The following GPR141 variants were observed in gnomAD, a reference collection of about 807,000 sequenced individuals.
The protein encoded by GPR141 is probable G protein-coupled receptor 141.
In GPR141, 6 loss-of-function variants were observed where a neutral mutation model predicts 6.8. The ratio of observed to expected loss-of-function variants is 0.88; its 90% CI spans 0.48 to 1.74. The LOEUF is 1.74. Ranked by LOEUF, GPR141 falls within the 40% of genes most tolerant of loss-of-function variation. GPR141 has a pLI of 0.01. For missense variants in GPR141, 372 were observed against 372.9 expected, an observed-to-expected ratio of 1.00 and a Z score of 0.02; for synonymous variants, 140 against 142.3, an observed-to-expected ratio of 0.98 and a Z score of 0.11.
chr7:37,740,921 A>G lies in GPR141; in HGVS notation c.528A>G (p.Thr176=). ...CFKFHKELAY[T]YVKIINYMIV... ...AATTTCACAAAGAGCTTGCTTACAC[A>G]TATGTGAAAATCATCAACTATATGA... The change falls in exon 3 of 3, where the codon ACA becomes ACG. Residue 176 remains threonine (T), a synonymous_variant. Transcript: ENST00000334425. 2.5e-6 allele frequency: 4 copies of G among 1,614,118 alleles called. No homozygotes were observed. Among genetic ancestry groups the G allele is most frequent in the Non-Finnish European group, 3.4e-6 (4 of 1,179,968 alleles).
chr7:37,714,657 T>A (rs1040212991), intron 2 of GPR141, among the ~76,000 whole-genome samples: 4 of 152,182 alleles, frequency 2.6e-5, no homozygotes. Flanking sequence ...AGAAAGCCAA[T>A]TGAAATTTCT....
At chr7:37,728,523 A>G (rs1206473797) in intron 2 of GPR141, among the ~76,000 whole-genome samples, 2 of 152,106 alleles carry the variant, frequency 1.3e-5, no homozygotes, top group Non-Finnish European at 2.9e-5. Flanking sequence ...CTCATTTTGT[A>G]GGCTGGTCTC....
chr7:37,703,067 G>A (rs913849037), intron 2 of GPR141, among the ~76,000 whole-genome samples: 4 of 151,884 alleles, frequency 2.6e-5, no homozygotes, highest in Non-Finnish European at 5.9e-5. Flanking sequence ...AGGGTAAACC[G>A]GTAGTATTAT....
chr7:37,697,986 G>T (rs1318452265), intron 2 of GPR141, among the ~76,000 whole-genome samples: 1 of 152,198 alleles, frequency 6.6e-6, no homozygotes, highest in African/African-American at 2.4e-5. Flanking sequence ...GAGACACCCT[G>T]TGCATCCTGG....
Position 37,741,390 on chromosome 7 carries a change from C to A in GPR141, c.*79C>A. The stretch of plus-strand genomic sequence containing the variant: ...TATAGGGGAGGTAAGAATGGTATTT[C>A]ATTACTTGATCAAAACCATGCCTTG... On this transcript the variant is annotated 3_prime_UTR_variant, in exon 3 of 3. Coordinates refer to ENST00000334425, the MANE Select transcript of GPR141 (RefSeq NM_001381946.1). The A allele has an allele frequency of 9.3e-7, 1 of 1,073,110 alleles. No individual in the cohort carries two copies. Among genetic ancestry groups the A allele is most frequent in the Non-Finnish European group, 1.3e-6 (1 of 741,912 alleles). The allele number at this position is 1,073,110 out of a possible 1,614,324, so 66.5% of individuals were successfully genotyped here. A position where few individuals can be genotyped will look rare whatever the true frequency, so the allele number is the denominator to read the frequency against.
chr7:37,690,337 C>T (rs1809700261), intron 2 of GPR141, among the ~76,000 whole-genome samples: 2 of 152,118 alleles, frequency 1.3e-5, no homozygotes, highest in African/African-American at 4.8e-5. Flanking sequence ...GTCGTGGGAG[C>T]AGATCCCTCA....
At chr7:37,703,695 T>C (rs1810398035) in intron 2 of GPR141, among the ~76,000 whole-genome samples, 1 of 152,228 alleles carries the variant, frequency 6.6e-6, no homozygotes, top group Non-Finnish European at 1.5e-5. Flanking sequence ...GGAGCAATAG[T>C]ATCTACTTCA....
At chr7:37,720,389 C>G (rs984841448) in intron 2 of GPR141, among the ~76,000 whole-genome samples, 1 of 152,186 alleles carries the variant, frequency 6.6e-6, no homozygotes, top group South Asian at 2.1e-4. Context: ...ATAATAATCT[C>G]TGAGTGTAGT....
rs1812550882 is a variant in GPR141, at chr7:37,741,274, A to G, written c.881A>G (p.Lys294Arg). 6.2e-7 allele frequency: 1 copy of G among 1,602,962 alleles called. No individual in the cohort carries two copies. The highest frequency in any genetic ancestry group is 2.2e-5 in the East Asian group (1 of 44,632). The change falls in exon 3 of 3, where the codon AAG (lysine) becomes AGG (arginine). Residue 294 changes from lysine (K) to arginine (R), a missense_variant. Transcript: ENST00000334425. ...VFGGSHWFKQ[K>R]IIGLWNCVLC... ...GGGGGAAGCCATTGGTTTAAGCAAA[A>G]GATAATTGGCTTATGGAATTGTGTT...
At chr7:37,724,581 C>T (rs927592771) in intron 2 of GPR141, among the ~76,000 whole-genome samples, 3 of 152,110 alleles carry the variant, frequency 2.0e-5, no homozygotes, top group South Asian at 2.1e-4. Context: ...TGGGAGCTGC[C>T]ATCCCAGAAT....
intron 2 of GPR141, among the ~76,000 whole-genome samples, chr7:37,704,550 A>G (rs1192456977): frequency 1.3e-5 from 2 of 152,124 alleles, no homozygotes; most frequent in East Asian, 1.9e-4. Flanking sequence ...CCATGATTCA[A>G]TTACCTCCCA....
At chr7:37,739,955 G>C (rs897206869) in intron 2 of GPR141, among the ~76,000 whole-genome samples, 1 of 152,074 alleles carries the variant, frequency 6.6e-6, no homozygotes, top group Admixed American at 6.6e-5. Context: ...GAAAGAATTA[G>C]AGAATTATAA....
intron 2 of GPR141, among the ~76,000 whole-genome samples, chr7:37,700,678 T>G (rs1583531403): frequency 1.3e-5 from 2 of 152,338 alleles, no homozygotes; most frequent in African/African-American, 4.8e-5. Flanking sequence ...CAAATGATAT[T>G]TTTCATGCAA....
At chr7:37,697,491 G>A (rs138233311) in intron 2 of GPR141, among the ~76,000 whole-genome samples, 83 of 152,286 alleles carry the variant, frequency 5.5e-4, no homozygotes, top group Middle Eastern at 3.4e-3. Context: ...TAGCCAGTCA[G>A]GAGAGTGAAT....
intron 2 of GPR141, among the ~76,000 whole-genome samples, chr7:37,728,847 C>G (rs1562787341): frequency 6.6e-6 from 1 of 152,144 alleles, no homozygotes; most frequent in Non-Finnish European, 1.5e-5. Flanking sequence ...GCTACAAATA[C>G]CAGCAAGGCC....
In GPR141 at chr7:37,696,363, A is replaced by G. The variant is rs151183731; in HGVS notation, c.-15+10780A>G. The stretch of plus-strand genomic sequence containing the variant: ...ACTTACGATGAGTTTTTAGAGACAA[A>G]ACCCCTTTGAAAATTGAGGAGCATC... On this transcript the variant is annotated intron_variant, in intron 2 of 2. Transcript: ENST00000334425. Among the ~76,000 whole-genome samples, 53 of 152,260 alleles carry G rather than the reference A, an allele frequency of 3.5e-4. 1 individual carries two copies. Among genetic ancestry groups the G allele is most frequent in the African/African-American group, 1.2e-3 (51 of 41,546 alleles).
intron 2 of GPR141, among the ~76,000 whole-genome samples, chr7:37,698,428 A>G (rs1331797099): frequency 2.0e-5 from 3 of 152,340 alleles, no homozygotes; most frequent in Non-Finnish European, 4.4e-5. Flanking sequence ...AAAGGCCACG[A>G]GAACCTGTGT....
intron 2 of GPR141, among the ~76,000 whole-genome samples, chr7:37,720,671 G>A (rs1487881767): frequency 2.0e-5 from 3 of 151,400 alleles, no homozygotes; most frequent in Non-Finnish European, 4.4e-5. Flanking sequence ...AACCCGGAAG[G>A]CGGAGCTTGC....
intron 2 of GPR141, among the ~76,000 whole-genome samples, chr7:37,702,810 A>AT (rs370670425): frequency 3.4e-5 from 4 of 118,670 alleles, no homozygotes; most frequent in Non-Finnish European, 5.5e-5. Flanking sequence ...TCAATTCAAA[A>AT]AAAAAAATAA....
Sources: gnomAD v4.1 joint callset for allele counts (sites outside exome capture counted in the v4.1 genomes callset) on GRCh38, gnomAD v4.1.1 for gene constraint, MANE v1.5 for transcripts, NCBI Gene and HGNC (gene_info 2026-07-23, HGNC 2026-07-21) for gene names.